TKTL2: variants seen among roughly 807,000 people sequenced by gnomAD.
The protein encoded by TKTL2 is transketolase-like protein 2.
For missense variants in TKTL2, 825 were observed against 799.4 expected (o/e 1.03, Z -0.39); for synonymous variants, 259 against 294.1 (o/e 0.88, Z 1.22).
rs143127371 is a variant in TKTL2, at chr4:163,473,198, G to A, written c.537C>T (p.Leu179=). 2.3e-4 allele frequency: 374 copies of A among 1,613,890 alleles called. No homozygotes were observed. The highest frequency in any genetic ancestry group is 3.0e-4 in the Non-Finnish European group (356 of 1,179,996). The change falls in exon 1 of 1, where the codon CTC becomes CTT. Residue 179 remains leucine (L), a synonymous_variant. Transcript: ENST00000280605. The part of the protein sequence containing the change: ...AFASHYNLDN[L]VAVFDVNRLG... ...AGCGGTTCACGTCGAAGACCGCCACGAGATTGTCCAAGTTGTAGTGGGAGG... is the reference window on the plus strand; with the variant it reads ...AGCGGTTCACGTCGAAGACCGCCACAAGATTGTCCAAGTTGTAGTGGGAGG...
chr4:163,472,666 T>C lies in TKTL2; in HGVS notation c.1069A>G (p.Lys357Glu). Reference protein sequence around the residue: ...MNSTFSEIFRKEHPERFIECI... With the variant: ...MNSTFSEIFREEHPERFIECI... ...TCTATGAAACGCTCAGGGTGTTCTT[T>C]CCTGAATATCTCAGAAAAGGTGGAG... Residue 357 changes from lysine (K) to glutamate (E), a missense_variant, in exon 1 of 1, where the codon AAA becomes GAA. Physicochemically the swap from Lys to Glu is moderately conservative, Grantham distance 56 (BLOSUM62 1). Transcript: ENST00000280605. 6.2e-7 allele frequency: 1 copy of C among 1,614,188 alleles called. No homozygotes were observed. The highest frequency in any genetic ancestry group is 8.5e-7 in the Non-Finnish European group (1 of 1,180,032).
Position 163,473,131 on chromosome 4 carries a change from T to G in TKTL2, c.604A>C (p.Ile202Leu), listed in dbSNP as rs774504573. Residue 202 changes from isoleucine (I) to leucine (L), a missense_variant, in exon 1 of 1, where the codon ATC becomes CTC. By Grantham distance (5) the Ile-to-Leu change is conservative. Coordinates refer to ENST00000280605, the MANE Select transcript of TKTL2 (RefSeq NM_032136.5). ...AAGGCTTCACAGCAATTCTGGTAGA[T>G]GTCTGCGCCATGCTCAAGGGGTGCA... ...GPAPLEHGAD[I>L]YQNCCEAFGW... The G allele has an allele frequency of 1.9e-6, 3 of 1,613,922 alleles. No individual in the cohort carries two copies. In the Admixed American group the frequency reaches 5.0e-5, roughly 27 times the overall value.
chr4:163,473,723 G>T lies in TKTL2; in HGVS notation c.12C>A (p.Asn4Lys). Residue 4 changes from asparagine (N) to lysine (K), a missense_variant, in exon 1 of 1, where the codon AAC (asparagine) becomes AAA (lysine). Asn to Lys is a moderately conservative substitution (Grantham distance 94). Coordinates refer to ENST00000280605, the MANE Select transcript of TKTL2 (RefSeq NM_032136.5). MMA[N>K]DAKPDVKTVQ... ...CGGTCTTCACGTCGGGCTTGGCGTC[G>T]TTGGCCATCATCTCTCTTTTGTCGG... 6.2e-7 allele frequency: 1 copy of T among 1,601,476 alleles called. No homozygotes were observed. The highest frequency in any genetic ancestry group is 8.5e-7 in the Non-Finnish European group (1 of 1,172,130).
rs114815338 is a variant in TKTL2, at chr4:163,471,946, G to A, written c.1789C>T (p.Pro597Ser). The A allele has an allele frequency of 3.7e-6, 6 of 1,609,432 alleles. No individual in the cohort carries two copies. The East Asian group carries it at 1.3e-4, about 36-fold the overall frequency. ...LVHQLAVSGV[P>S]QRGKTSELLD... ...AATTCACTAGTTTTCCCACGTTGAG[G>A]CACTCCTGACACTGCCAGTTGATGA... The change falls in exon 1 of 1, where the codon CCT becomes TCT. Residue 597 changes from proline (P) to serine (S), a missense_variant. Transcript: ENST00000280605.
At position 163,473,665 on chromosome 4, in the gene TKTL2, G is replaced by A. The variant is rs548015097; in HGVS notation, c.70C>T (p.Arg24Trp). Residue 24 changes from arginine (R) to tryptophan (W), a missense_variant, in exon 1 of 1, where the codon CGG becomes TGG. Arg to Trp is a moderately radical substitution (Grantham distance 101). Coordinates refer to ENST00000280605, the MANE Select transcript of TKTL2 (RefSeq NM_032136.5). ...CACGTGGCCCTGATGGAATGGATCCGCAGGCGGTTGGCTGTGTCCCGCAGC... is the reference window on the plus strand; with the variant it reads ...CACGTGGCCCTGATGGAATGGATCCACAGGCGGTTGGCTGTGTCCCGCAGC... Reference protein sequence around the residue: ...QVLRDTANRLRIHSIRATCAS... With the variant: ...QVLRDTANRLWIHSIRATCAS... 1.7e-5 allele frequency: 27 copies of A among 1,614,104 alleles called. 1 individual carries two copies. In the East Asian group the frequency reaches 2.0e-4, roughly 12 times the overall value.
rs751855412 is a variant in TKTL2, at chr4:163,473,616, G to A, written c.119C>T (p.Thr40Met). ...ATCASGSGQL[T>M]SCCSAAEVVS... Reference sequence around the variant, plus strand: ...GACCTCCGCTGCACTGCAGCACGACGTGAGCTGGCCAGAACCAGAGGCACA... The same window carrying A: ...GACCTCCGCTGCACTGCAGCACGACATGAGCTGGCCAGAACCAGAGGCACA... The change falls in exon 1 of 1, where the codon ACG becomes ATG. Residue 40 changes from threonine to methionine, a missense_variant. Transcript: ENST00000280605. 16 of 1,614,084 alleles carry A rather than the reference G, an allele frequency of 9.9e-6. No homozygotes were observed. Among genetic ancestry groups the A allele is most frequent in the Non-Finnish European group, 1.3e-5 (15 of 1,180,046 alleles).
Position 163,471,574 on chromosome 4 carries a change from T to G in TKTL2, c.*280A>C. 4.4e-6 allele frequency: 1 copy of G among 229,148 alleles called. No individual in the cohort carries two copies. Among genetic ancestry groups the G allele is most frequent in the Non-Finnish European group, 8.4e-6 (1 of 119,688 alleles). The allele number at this position is 229,148 out of a possible 1,614,324, so 14.2% of individuals were successfully genotyped here. The stretch of plus-strand genomic sequence containing the variant: ...TATTTGTAGTCTTATCAGAAATATT[T>G]GTATTAGGTAGTTGTTTTATTTCCT... On this transcript the variant is annotated 3_prime_UTR_variant, in exon 1 of 1. Transcript: ENST00000280605.
rs1737195528 is a variant in TKTL2 at position 163,472,880 on chromosome 4, A to G, written c.855T>C (p.Asn285=). 2 of 1,600,124 alleles carry G rather than the reference A, an allele frequency of 1.2e-6. No individual in the cohort carries two copies. The highest frequency in any genetic ancestry group is 1.7e-6 in the Non-Finnish European group (2 of 1,173,762). ...VKLIESQIQT[N]ENLIPKSPVE... ...CAGGCGATTTTGGTATGAGATTCTCATTGGTCTGTATCTGACTCTCAATTA... is the reference window on the plus strand; with the variant it reads ...CAGGCGATTTTGGTATGAGATTCTCGTTGGTCTGTATCTGACTCTCAATTA... The change falls in exon 1 of 1, where the codon AAT becomes AAC. Residue 285 remains asparagine (N), a synonymous_variant. Transcript: ENST00000280605.
In TKTL2 at chr4:163,473,596, C is replaced by T. The variant is rs139717449; in HGVS notation, c.139G>A (p.Glu47Lys). ...TGGAAGAAGAGGACAGACACGACCT[C>T]CGCTGCACTGCAGCACGACGTGAGC... ...GQLTSCCSAA[E>K]VVSVLFFHTM... The change falls in exon 1 of 1, where the codon GAG becomes AAG. Residue 47 changes from glutamate to lysine, a missense_variant. Transcript: ENST00000280605. The T allele has an allele frequency of 8.9e-5, 143 of 1,614,058 alleles. No individual in the cohort carries two copies. The highest frequency in any genetic ancestry group is 1.2e-4 in the Admixed American group (7 of 60,010).
chr4:163,473,205 T>A lies in TKTL2; in HGVS notation c.530A>T (p.Asp177Val). ...CACGTCGAAGACCGCCACGAGATTG[T>A]CCAAGTTGTAGTGGGAGGCAAAAGC... is the stretch of plus-strand genomic sequence containing the variant. Reference protein sequence around the residue: ...AFAFASHYNLDNLVAVFDVNR... With the variant: ...AFAFASHYNLVNLVAVFDVNR... The change falls in exon 1 of 1, where the codon GAC (aspartate) becomes GTC (valine). Residue 177 changes from aspartate (D) to valine (V), a missense_variant. By Grantham distance (152) the Asp-to-Val change is radical (BLOSUM62 -3). Transcript: ENST00000280605. The A allele has an allele frequency of 6.2e-7, 1 of 1,613,750 alleles. No individual in the cohort carries two copies. Among genetic ancestry groups the A allele is most frequent in the Non-Finnish European group, 8.5e-7 (1 of 1,179,962 alleles).
rs754396709 is a variant in TKTL2, at chr4:163,473,318, A to G, written c.417T>C (p.Thr139=). Residue 139 remains threonine (T), a synonymous_variant, in exon 1 of 1, where the codon ACT becomes ACC. Transcript: ENST00000280605. The stretch of plus-strand genomic sequence containing the variant: ...AGCTGGCCTTGTCAAGGTACTTGCC[A>G]GTATAAGCCATTCCACATGCAGTAC... ...GLGTACGMAY[T]GKYLDKASYR... 5 of 1,614,080 alleles carry G rather than the reference A, an allele frequency of 3.1e-6. No homozygotes were observed. Among genetic ancestry groups the G allele is most frequent in the South Asian group, 2.2e-5 (2 of 91,074 alleles).
rs764662255 is a variant in TKTL2 at position 163,473,506 on chromosome 4, C to G, written c.229G>C (p.Gly77Arg). The G allele has an allele frequency of 6.2e-7, 1 of 1,613,948 alleles. No individual in the cohort carries two copies. Residue 77 changes from glycine to arginine, a missense_variant, in exon 1 of 1, where the codon GGA (glycine) becomes CGA (arginine). Transcript: ENST00000280605. ...PDNDRFILSR[G>R]HAAPILYAAW... ...GCATAGAGGATAGGAGCAGCATGTC[C>G]CCTGGAGAGGATGAACCGGTCGTTG...
chr4:163,472,695 A>G lies in TKTL2; in HGVS notation c.1040T>C (p.Met347Thr). The G allele has an allele frequency of 6.2e-7, 1 of 1,614,026 alleles. No individual in the cohort carries two copies. The highest frequency in any genetic ancestry group is 8.5e-7 in the Non-Finnish European group (1 of 1,179,940). Residue 347 changes from methionine to threonine, a missense_variant, in exon 1 of 1, where the codon ATG (methionine) becomes ACG (threonine). By Grantham distance (81) the Met-to-Thr change is moderately conservative. Transcript: ENST00000280605. The part of the protein sequence containing the change: ...ERVIVLSGDT[M>T]NSTFSEIFRK... ...GAATATCTCAGAAAAGGTGGAGTTC[A>G]TCGTGTCACCACTCAGAACAATAAC...
Position 163,473,692 on chromosome 4 carries a change from C to G in TKTL2, c.43G>C (p.Val15Leu). 6.2e-7 allele frequency: 1 copy of G among 1,612,852 alleles called. No homozygotes were observed. Among genetic ancestry groups the G allele is most frequent in the African/African-American group, 1.3e-5 (1 of 75,018 alleles). The change falls in exon 1 of 1, where the codon GTG (valine) becomes CTG (leucine). Residue 15 changes from valine to leucine, a missense_variant. By Grantham distance (32) the Val-to-Leu change is conservative. Coordinates refer to ENST00000280605, the MANE Select transcript of TKTL2 (RefSeq NM_032136.5). ...AGGCGGTTGGCTGTGTCCCGCAGCA[C>G]CTGCACGGTCTTCACGTCGGGCTTG... ...DAKPDVKTVQ[V>L]LRDTANRLRI... is the part of the protein sequence containing the mutation.
chr4:163,472,624 GT>G lies in TKTL2; in HGVS notation c.1110del (p.Glu370AspfsTer5). 6.2e-7 allele frequency: 1 copy of G among 1,614,180 alleles called. No individual in the cohort carries two copies. The highest frequency in any genetic ancestry group is 1.7e-5 in the Admixed American group (1 of 60,024). ...CCTAGTGCCACACTTACCATGTTTT[GT>G]TCAGCAATAATACACTCTATGAAAC... Reference protein sequence around the residue: ...PERFIECIIAEQNMVSVALGC... With the variant: ...PERFIECIIAXQNMVSVALGC... On this transcript the variant is annotated frameshift_variant, in exon 1 of 1. Coordinates refer to ENST00000280605, the MANE Select transcript of TKTL2 (RefSeq NM_032136.5). LOFTEE classifies it low-confidence loss of function (END_TRUNC).
At position 163,472,430 on chromosome 4, in the gene TKTL2, CAGGGCCATCTGGG is replaced by C; in HGVS notation, c.1292_1304del (p.Ser431TrpfsTer4). On this transcript the variant is annotated frameshift_variant, in exon 1 of 1. Coordinates refer to ENST00000280605, the MANE Select transcript of TKTL2 (RefSeq NM_032136.5). LOFTEE classifies it low-confidence loss of function (END_TRUNC). Reference sequence around the variant, plus strand: ...TGCTTCGGAACATGGCTAGATCCTCCAGGGCCATCTGGGAGACTCCATCTTCTCCAGTGGATAC... The same window carrying C: ...TGCTTCGGAACATGGCTAGATCCTCCAGACTCCATCTTCTCCAGTGGATAC... 6.2e-7 allele frequency: 1 copy of C among 1,613,888 alleles called. No homozygotes were observed. Among genetic ancestry groups the C allele is most frequent in the East Asian group, 2.2e-5 (1 of 44,884 alleles).
In TKTL2 at chr4:163,473,192, C is replaced by A. The variant is rs775431879; in HGVS notation, c.543G>T (p.Ala181=). 1.2e-6 allele frequency: 2 copies of A among 1,613,620 alleles called. No individual in the cohort carries two copies. Among genetic ancestry groups the A allele is most frequent in the Non-Finnish European group, 1.7e-6 (2 of 1,179,974 alleles). Residue 181 remains alanine (A), a synonymous_variant, in exon 1 of 1, where the codon GCG becomes GCT. Transcript: ENST00000280605. ...GTCCCAAGCGGTTCACGTCGAAGAC[C>A]GCCACGAGATTGTCCAAGTTGTAGT... ...ASHYNLDNLV[A]VFDVNRLGQS... is the part of the protein sequence containing the mutation.
rs779239706 is a variant in TKTL2, at chr4:163,473,257, A to C, written c.478T>G (p.Ser160Ala). 1 of 1,613,942 alleles carries C rather than the reference A, an allele frequency of 6.2e-7. No individual in the cohort carries two copies. Among genetic ancestry groups the C allele is most frequent in the South Asian group, 1.1e-5 (1 of 91,068 alleles). ...AAAGCCTCCCACACAGAGCCTTCTG[A>C]GGATTCGCCATCTCCCATAAGGCAG... ...VFCLMGDGES[S>A]EGSVWEAFAF... The change falls in exon 1 of 1, where the codon TCA becomes GCA. Residue 160 changes from serine (S) to alanine (A), a missense_variant. Coordinates refer to ENST00000280605, the MANE Select transcript of TKTL2 (RefSeq NM_032136.5).
chr4:163,472,833 C>T lies in TKTL2; in HGVS notation c.902G>A (p.Ser301Asn). 6.4e-7 allele frequency: 1 copy of T among 1,568,722 alleles called. No individual in the cohort carries two copies. The highest frequency in any genetic ancestry group is 8.6e-7 in the Non-Finnish European group (1 of 1,160,106). ...GGAGGTCATTTTTATATCTGTGATG[C>T]TTATTTGAGGTGAGTCTTCCACAGG... ...KSPVEDSPQISITDIKMTSPP... is the reference protein window; with the variant it reads ...KSPVEDSPQINITDIKMTSPP... Residue 301 changes from serine to asparagine, a missense_variant, in exon 1 of 1, where the codon AGC becomes AAC. Ser to Asn is a conservative substitution (Grantham distance 46). Transcript: ENST00000280605.
Sources: allele counts gnomAD v4.1 joint callset, GRCh38; gene constraint gnomAD v4.1.1; transcripts MANE v1.5; gene names NCBI Gene and HGNC (gene_info 2026-07-23, HGNC 2026-07-21).